HEATR5A: variants seen among roughly 807,000 people sequenced by gnomAD.
HEATR5A encodes HEAT repeat containing 5A.
In HEATR5A, 178 loss-of-function variants were observed where a neutral mutation model predicts 218.8. The observed-to-expected ratio is 0.81, with a 90% confidence interval of 0.72 to 0.92. The LOEUF (loss-of-function observed/expected upper bound fraction) is 0.92, where lower values mean the gene tolerates loss of function less well. Ranked by LOEUF, HEATR5A falls within the 40% of genes least tolerant of loss-of-function variation. HEATR5A has a pLI of 0.00. For synonymous variants in HEATR5A, 864 were observed against 871.6 expected (o/e 0.99, Z 0.15); for missense variants, 2,420 against 2,418.9 (o/e 1.00, Z -0.01).
At chr14:31,316,180 G>C (rs1050424851) in intron 26 of HEATR5A, among the ~76,000 whole-genome samples, 3 of 152,112 alleles carry the variant, frequency 2.0e-5, no homozygotes, top group African/African-American at 7.2e-5. Flanking sequence ...TACTCAGAAG[G>C]CTAAGGCAGG....
At chr14:31,389,265 AAAG>A (rs1214376684) in intron 6 of HEATR5A, among the ~76,000 whole-genome samples, 1 of 152,200 alleles carries the variant, frequency 6.6e-6, no homozygotes, top group African/African-American at 2.4e-5. Flanking sequence ...TCCTTTCCTC[AAAG>A]AAGTTAAAAG....
chr14:31,389,955 G>A (rs1274561752), intron 6 of HEATR5A, among the ~76,000 whole-genome samples: 2 of 152,140 alleles, frequency 1.3e-5, no homozygotes, highest in African/African-American at 4.8e-5. Flanking sequence ...AGAGCAAAAT[G>A]AGGTCAGGAA....
chr14:31,341,820 A>G (rs1413040886), intron 21 of HEATR5A, among the ~76,000 whole-genome samples: 2 of 152,318 alleles, frequency 1.3e-5, no homozygotes, highest in Non-Finnish European at 2.9e-5. Context: ...ATTAATGGAA[A>G]TCTTCTACAA....
intron 22 of HEATR5A, among the ~76,000 whole-genome samples, chr14:31,328,313 T>C (rs1900340747): frequency 3.3e-5 from 5 of 152,172 alleles, no homozygotes; most frequent in Admixed American, 1.3e-4. Context: ...CTTTTAAATA[T>C]TAGAAGGAGG....
Position 31,301,543 on chromosome 14 carries a change from T to C in HEATR5A, c.5464+752A>G, listed in dbSNP as rs371479031. 2.1e-4 allele frequency among the ~76,000 whole-genome samples: 32 copies of C among 152,274 alleles called. No homozygotes were observed. In the South Asian group the frequency reaches 5.8e-3, roughly 28 times the overall value. ...GCTCTAATAATTTCTTGCAACATAA[T>C]ATCCTTATTTATTACTCACTACAAG... On this transcript the variant is annotated intron_variant, in intron 33 of 35. Coordinates refer to ENST00000543095, the MANE Select transcript of HEATR5A (RefSeq NM_015473.4).
chr14:31,309,311 T>C (rs1899659322), intron 28 of HEATR5A, 129 bp from the exon 29 acceptor site: 2 of 964,410 alleles, frequency 2.1e-6, no homozygotes, highest in Non-Finnish European at 3.1e-6. Context: ...GTCAGTTCCC[T>C]ATACCCTAAG....
intron 1 of HEATR5A, among the ~76,000 whole-genome samples, chr14:31,408,381 T>A (rs2139318004): frequency 6.6e-6 from 1 of 152,298 alleles, no homozygotes; most frequent in East Asian, 1.9e-4. Context: ...GATTTATGCA[T>A]AATAGAAGGC....
Position 31,400,352 on chromosome 14 carries a change from T to C in HEATR5A, c.287A>G (p.Asn96Ser), listed in dbSNP as rs1273365855. 1 of 1,535,920 alleles carries C rather than the reference T, an allele frequency of 6.5e-7. No individual in the cohort carries two copies. The highest frequency in any genetic ancestry group is 2.0e-5 in the Admixed American group (1 of 51,000). ...FSVHEAIDKC[N>S]DLIRSKDDSP... The stretch of plus-strand genomic sequence containing the variant: ...ATCATCTTTGCTACGAATAAGATCA[T>C]TACATTTATCGATTGCTTCATGAAC... Residue 96 changes from asparagine to serine, a missense_variant, in exon 3 of 36, where the codon AAT (asparagine) becomes AGT (serine). Coordinates refer to ENST00000543095, the MANE Select transcript of HEATR5A (RefSeq NM_015473.4).
In HEATR5A at chr14:31,388,947, T is replaced by C; in HGVS notation, c.831A>G (p.Gly277=). 1.9e-6 allele frequency: 3 copies of C among 1,613,850 alleles called. No individual in the cohort carries two copies. Among genetic ancestry groups the C allele is most frequent in the Middle Eastern group, 1.6e-4 (1 of 6,062 alleles). Residue 277 remains glycine (G), a synonymous_variant, in exon 7 of 36, where the codon GGA becomes GGG. Transcript: ENST00000543095. The part of the protein sequence containing the change: ...VSLEEVLELL[G]TGFLRGSSGF... ...CTGAACTCCCACGTAGAAACCCTGT[T>C]CCTAGTAATTCCAGAACTTCCTCCA... is the stretch of plus-strand genomic sequence containing the variant.
intron 16 of HEATR5A, among the ~76,000 whole-genome samples, chr14:31,354,065 C>G (rs1420345259): frequency 4.6e-5 from 7 of 151,862 alleles, no homozygotes; most frequent in African/African-American, 1.7e-4. Context: ...TCCCAAAGTG[C>G]TGGGATTACA....
intron 21 of HEATR5A, among the ~76,000 whole-genome samples, chr14:31,339,565 A>G (rs1900777952): frequency 6.6e-6 from 1 of 151,712 alleles, no homozygotes; most frequent in Non-Finnish European, 1.5e-5. Context: ...ATATATCATC[A>G]CTGAGTAGTT....
chr14:31,386,343 G>T, intron 9 of HEATR5A, 77 bp downstream of exon 9: 3 of 1,026,880 alleles, frequency 2.9e-6, no homozygotes, highest in Non-Finnish European at 4.3e-6. Context: ...CTATAAGTAA[G>T]CTATATGAAG....
At chr14:31,398,602 A>G in intron 4 of HEATR5A, 71 bp downstream of exon 4, 1 of 767,808 alleles carries the variant, frequency 1.3e-6, no homozygotes, top group East Asian at 2.7e-5. Flanking sequence ...AAGCTCTTTG[A>G]TTTGCTCAGG....
Position 31,395,314 on chromosome 14 carries a change from T to G in HEATR5A, c.482A>C (p.Gln161Pro), listed in dbSNP as rs1248946960. 11 of 1,530,782 alleles carry G rather than the reference T, an allele frequency of 7.2e-6. No individual in the cohort carries two copies. The highest frequency in any genetic ancestry group is 9.6e-6 in the Non-Finnish European group (11 of 1,142,848). 94.8% of individuals were successfully genotyped at this position (1,530,782 alleles called of 1,614,324 possible). Reference protein sequence around the residue: ...QGRYEIMLSLQNILNGLGAAA... With the variant: ...QGRYEIMLSLPNILNGLGAAA... ...AGCTCCTAGTCCATTCAATATATTTTGCAGACTTAGCATAATCTCATATCG... is the reference window on the plus strand; with the variant it reads ...AGCTCCTAGTCCATTCAATATATTTGGCAGACTTAGCATAATCTCATATCG... Residue 161 changes from glutamine (Q) to proline (P), a missense_variant, in exon 5 of 36, where the codon CAA becomes CCA. Coordinates refer to ENST00000543095, the MANE Select transcript of HEATR5A (RefSeq NM_015473.4).
At chr14:31,405,111 C>T (rs576301496) in intron 1 of HEATR5A, among the ~76,000 whole-genome samples, 9 of 138,926 alleles carry the variant, frequency 6.5e-5, no homozygotes, top group South Asian at 4.9e-4. Flanking sequence ...AGGTCATTTT[C>T]AAAAATGTCA....
intron 22 of HEATR5A, among the ~76,000 whole-genome samples, chr14:31,326,978 T>C (rs938357918): frequency 4.0e-5 from 6 of 151,498 alleles, no homozygotes; most frequent in African/African-American, 1.5e-4. Flanking sequence ...TGCTTAATTT[T>C]TTTTTTTTCC....
intron 12 of HEATR5A, among the ~76,000 whole-genome samples, chr14:31,373,635 C>T (rs1425167872): frequency 6.6e-6 from 1 of 152,128 alleles, no homozygotes; most frequent in Non-Finnish European, 1.5e-5. Flanking sequence ...CTGGCTGAAA[C>T]ATTACTTTTA....
intron 19 of HEATR5A, among the ~76,000 whole-genome samples, chr14:31,347,164 T>C (rs1247422070): frequency 6.6e-6 from 1 of 152,232 alleles, no homozygotes; most frequent in Non-Finnish European, 1.5e-5. Context: ...TAACACCTGG[T>C]ACCTATTAAG....
chr14:31,301,807 T>G (rs201351584), intron 33 of HEATR5A, among the ~76,000 whole-genome samples: 3 of 76,298 alleles, frequency 3.9e-5, no homozygotes, highest in East Asian at 6.5e-4. Context: ...AACACAGCTT[T>G]CTTTTTTTTT....
Sources: allele counts gnomAD v4.1 joint callset (sites outside exome capture counted in the v4.1 genomes callset), GRCh38; gene constraint gnomAD v4.1.1; transcripts MANE v1.5; gene names NCBI Gene and HGNC (gene_info 2026-07-23, HGNC 2026-07-21).